PCDHGA2: variants seen among roughly 807,000 people sequenced by gnomAD.
PCDHGA2 encodes protocadherin gamma subfamily A, 2, also known as protocadherin gamma-A2.
In PCDHGA2, 40 loss-of-function variants were observed where a neutral mutation model predicts 59.2. The observed-to-expected ratio is 0.68, with a 90% confidence interval of 0.52 to 0.88. PCDHGA2 has a LOEUF of 0.88. PCDHGA2 is among the 40% of genes least tolerant of loss of function. PCDHGA2 has a pLI of 0.00. For synonymous variants in PCDHGA2, 560 were observed against 526.0 expected, an observed-to-expected ratio of 1.06 and a Z score of -0.89; for missense variants, 1,226 against 1,204.0, an observed-to-expected ratio of 1.02 and a Z score of -0.27.
chr5:141,401,506 C>A (rs2094161695), intron 1 of PCDHGA2, among the ~76,000 whole-genome samples: 1 of 152,126 alleles, frequency 6.6e-6, no homozygotes, highest in Non-Finnish European at 1.5e-5. Flanking sequence ...CCTTTTCCAC[C>A]TCTATATAAT....
chr5:141,489,692 G>C lies in PCDHGA2; in HGVS notation c.2425-5115G>C, dbSNP rs768806028. The stretch of plus-strand genomic sequence containing the variant: ...TCAGAATCAGCAGCATCTGGGGCAC[G>C]ATTCCCACTGGACAGTGCCCAGGAT... On this transcript the variant is annotated intron_variant, in intron 1 of 3. Transcript: ENST00000394576. This position sits in a 1 kb window ranked among gnomAD's most constrained non-coding sequence, Gnocchi z 4.5. 6.2e-7 allele frequency: 1 copy of C among 1,614,128 alleles called. No individual in the cohort carries two copies. Among genetic ancestry groups the C allele is most frequent in the South Asian group, 1.1e-5 (1 of 91,080 alleles).
At chr5:141,358,825 T>C (rs1761033525) in intron 1 of PCDHGA2, among the ~76,000 whole-genome samples, 1 of 152,232 alleles carries the variant, frequency 6.6e-6, no homozygotes, top group Non-Finnish European at 1.5e-5. Flanking sequence ...CTTAGTAAGG[T>C]GGCCTCATCC....
intron 1 of PCDHGA2, chr5:141,390,568 C>T: frequency 2.4e-6 from 1 of 414,986 alleles, no homozygotes; most frequent in Non-Finnish European, 4.3e-6. Context: ...GTTGTTGGCT[C>T]TCTCCTAAAA....
intron 3 of PCDHGA2, among the ~76,000 whole-genome samples, chr5:141,505,926 G>T (rs114056147): frequency 6.6e-6 from 1 of 152,146 alleles, no homozygotes; most frequent in African/African-American, 2.4e-5. Flanking sequence ...TGGGCCTGGC[G>T]CTTGGAAGCC....
Position 141,476,477 on chromosome 5 carries a change from G to C in PCDHGA2, c.2425-18330G>C. ...GGAGAACCCGCTGGAGCTGTTCAGCGTGGAAGTGGTGATCCAGGACATCAA... is the reference window on the plus strand; with the variant it reads ...GGAGAACCCGCTGGAGCTGTTCAGCCTGGAAGTGGTGATCCAGGACATCAA... On this transcript the variant is annotated intron_variant, in intron 1 of 3. Coordinates refer to ENST00000394576, the MANE Select transcript of PCDHGA2 (RefSeq NM_018915.4). The surrounding 1 kb of genome is among the most constrained non-coding windows in gnomAD (Gnocchi z 7.6). The C allele has an allele frequency of 5.0e-6, 8 of 1,614,078 alleles. No homozygotes were observed. Among genetic ancestry groups the C allele is most frequent in the Non-Finnish European group, 6.8e-6 (8 of 1,180,018 alleles).
At position 141,408,935 on chromosome 5, in the gene PCDHGA2, G is replaced by A. The variant is rs773802276; in HGVS notation, c.2424+67540G>A. 6.8e-6 allele frequency: 11 copies of A among 1,613,590 alleles called. No homozygotes were observed. Among genetic ancestry groups the A allele is most frequent in the Non-Finnish European group, 9.3e-6 (11 of 1,179,752 alleles). ...TGATAACCCCCCGGTTTTCAGCAGAGACGAATATAGAATTAGTCTTAGTGA... is the reference window on the plus strand; with the variant it reads ...TGATAACCCCCCGGTTTTCAGCAGAAACGAATATAGAATTAGTCTTAGTGA... On this transcript the variant is annotated intron_variant, in intron 1 of 3. Coordinates refer to ENST00000394576, the MANE Select transcript of PCDHGA2 (RefSeq NM_018915.4).
chr5:141,358,450 A>G (rs62378416), intron 1 of PCDHGA2, among the ~76,000 whole-genome samples: 4,507 of 152,282 alleles, frequency 0.03, 78 homozygotes, highest in Middle Eastern at 0.088. Flanking sequence ...ACGTCAATTT[A>G]AGAATACTGG....
intron 1 of PCDHGA2, among the ~76,000 whole-genome samples, chr5:141,465,091 G>A (rs1689517062): frequency 6.7e-6 from 1 of 149,016 alleles, no homozygotes; most frequent in Non-Finnish European, 1.5e-5. Context: ...CATTTTTCTA[G>A]TAGTTTTTTT....
At chr5:141,361,659 C>T (rs746637756) in intron 1 of PCDHGA2, 25 of 1,613,626 alleles carry the variant, frequency 1.5e-5, no homozygotes, top group African/African-American at 2.7e-5. Flanking sequence ...TGTCCGTGAG[C>T]GCGCAGAGCG....
chr5:141,418,323 A>G, intron 1 of PCDHGA2: 2 of 1,614,004 alleles, frequency 1.2e-6, no homozygotes, highest in Non-Finnish European at 1.7e-6. Flanking sequence ...ACAATTCTTG[A>G]GTCTGCAGAA....
At chr5:141,434,536 T>C (rs1037347477) in intron 1 of PCDHGA2, among the ~76,000 whole-genome samples, 7 of 152,186 alleles carry the variant, frequency 4.6e-5, no homozygotes, top group Non-Finnish European at 8.8e-5. Context: ...CCACAAACAA[T>C]AGCATGAGTG....
intron 1 of PCDHGA2, among the ~76,000 whole-genome samples, chr5:141,387,210 C>T (rs944882080): frequency 3.9e-5 from 6 of 152,012 alleles, no homozygotes; most frequent in Non-Finnish European, 5.9e-5. Context: ...CTGATACTCT[C>T]CGGAAAAAGT....
At chr5:141,419,922 T>C (rs761868361) in intron 1 of PCDHGA2, 1 of 1,614,090 alleles carries the variant, frequency 6.2e-7, no homozygotes, top group South Asian at 1.1e-5. Flanking sequence ...CAGGCTGAGA[T>C]GCAGTTTTAC....
intron 1 of PCDHGA2, among the ~76,000 whole-genome samples, chr5:141,367,985 T>C (rs1158650986): frequency 6.6e-6 from 1 of 152,224 alleles, no homozygotes; most frequent in African/African-American, 2.4e-5. Flanking sequence ...CTTAAATTAA[T>C]AGATTTGTCT....
chr5:141,476,483 G>A lies in PCDHGA2; in HGVS notation c.2425-18324G>A. On this transcript the variant is annotated intron_variant, in intron 1 of 3. Coordinates refer to ENST00000394576, the MANE Select transcript of PCDHGA2 (RefSeq NM_018915.4). The surrounding 1 kb of genome is among the most constrained non-coding windows in gnomAD (Gnocchi z 7.6). The stretch of plus-strand genomic sequence containing the variant: ...CCCGCTGGAGCTGTTCAGCGTGGAA[G>A]TGGTGATCCAGGACATCAACGACAA... The A allele has an allele frequency of 3.1e-6, 5 of 1,614,166 alleles. No individual in the cohort carries two copies. Among genetic ancestry groups the A allele is most frequent in the Non-Finnish European group, 4.2e-6 (5 of 1,180,034 alleles).
At chr5:141,418,278 T>C (rs2096243624) in intron 1 of PCDHGA2, 1 of 1,613,954 alleles carries the variant, frequency 6.2e-7, no homozygotes, top group East Asian at 2.2e-5. Context: ...GAAATAAACT[T>C]AGAAATCAGT....
chr5:141,507,616 G>A (rs1288020739), intron 3 of PCDHGA2, among the ~76,000 whole-genome samples: 3 of 152,252 alleles, frequency 2.0e-5, no homozygotes, highest in Non-Finnish European at 4.4e-5. Context: ...GGTATATTTA[G>A]CTGTTGTGGC....
chr5:141,442,596 T>C (rs2154559877), intron 1 of PCDHGA2: 1 of 152,310 alleles, frequency 6.6e-6, no homozygotes, highest in South Asian at 2.1e-4. Flanking sequence ...TTAAATATTT[T>C]CAGAGATCTC....
intron 1 of PCDHGA2, chr5:141,409,184 T>G: frequency 6.2e-7 from 1 of 1,614,044 alleles, no homozygotes; most frequent in East Asian, 2.2e-5. Context: ...AGGTGGTCTC[T>G]CTACCCAGTG....
Sources: allele counts gnomAD v4.1 joint callset (sites outside exome capture counted in the v4.1 genomes callset), GRCh38; gene constraint gnomAD v4.1.1; non-coding constraint Gnocchi (gnomAD v3.1); transcripts MANE v1.5; gene names NCBI Gene and HGNC (gene_info 2026-07-23, HGNC 2026-07-21).